The following C1orf53 variants were observed in gnomAD, a reference collection of about 807,000 sequenced individuals.
The protein encoded by C1orf53 is uncharacterized protein C1orf53.
A neutral mutation model predicts 17.5 loss-of-function variants in C1orf53; 23 were observed. The observed-to-expected ratio is 1.31, with a 90% CI of 0.94 to 1.86. C1orf53 has a LOEUF of 1.86. Among genes scored for constraint, C1orf53 ranks in the 40% most tolerant of loss-of-function variants. The pLI, the probability that C1orf53 is intolerant of heterozygous loss-of-function variation, is 0.00. For synonymous variants in C1orf53, 108 were observed against 81.9 expected (o/e 1.32, Z -1.72); for missense variants, 255 against 193.2 (o/e 1.32, Z -1.89).
At chr1:197,905,694 A>C in intron 1 of C1orf53, 102 bp from the exon 2 acceptor site, 6 of 778,688 alleles carry the variant, frequency 7.7e-6, no homozygotes, top group East Asian at 2.6e-5. Flanking sequence ...GAAGTTTAAT[A>C]TTGTTTAAAA....
Position 197,907,246 on chromosome 1 carries a change from CTG to C in C1orf53, c.*29_*30del, listed in dbSNP as rs757176291. 1.5e-6 allele frequency: 2 copies of C among 1,347,018 alleles called. No individual in the cohort carries two copies. Among genetic ancestry groups the C allele is most frequent in the South Asian group, 2.6e-5 (2 of 78,028 alleles). 83.4% of individuals were successfully genotyped at this position (1,347,018 alleles called of 1,614,324 possible). A position where few individuals can be genotyped will look rare whatever the true frequency, so the allele number is the denominator to read the frequency against. On this transcript the variant is annotated 3_prime_UTR_variant, in exon 3 of 3. Coordinates refer to ENST00000367393, the MANE Select transcript of C1orf53 (RefSeq NM_001024594.3). ...CAAGAATTTCATCTCTGTTCCCTAACTGTGCTTGTATTTTTTAAAAAATAAAG... is the reference window on the plus strand; with the variant it reads ...CAAGAATTTCATCTCTGTTCCCTAACTGCTTGTATTTTTTAAAAAATAAAG...
At chr1:197,904,453 C>T (rs537560975) in intron 1 of C1orf53, among the ~76,000 whole-genome samples, 16 of 152,332 alleles carry the variant, frequency 1.1e-4, no homozygotes, top group Middle Eastern at 3.4e-3. Context: ...TCAGAAGACT[C>T]CCAGAAGCTA....
At position 197,902,737 on chromosome 1, in the gene C1orf53, A is replaced by T; in HGVS notation, c.88A>T (p.Arg30Ter). 6.4e-7 allele frequency: 1 copy of T among 1,562,588 alleles called. No individual in the cohort carries two copies. The highest frequency in any genetic ancestry group is 8.6e-7 in the Non-Finnish European group (1 of 1,162,600). The part of the protein sequence containing the change: ...AAPPPAPLWV[R>*]AGFRQQLSLT... Reference sequence around the variant, plus strand: ...CCCGCCGCCAGCACCTCTCTGGGTAAGAGCTGGGTTCCGACAGCAGCTCAG... The same window carrying T: ...CCCGCCGCCAGCACCTCTCTGGGTATGAGCTGGGTTCCGACAGCAGCTCAG... Residue 30 changes from arginine to a stop codon, truncating the protein, a stop_gained, in exon 1 of 3, where the codon AGA becomes TGA. Coordinates refer to ENST00000367393, the MANE Select transcript of C1orf53 (RefSeq NM_001024594.3). LOFTEE classifies it high-confidence loss of function.
intron 1 of C1orf53, among the ~76,000 whole-genome samples, chr1:197,904,419 T>C (rs1659489010): frequency 6.6e-6 from 1 of 152,208 alleles, no homozygotes; most frequent in Non-Finnish European, 1.5e-5. Flanking sequence ...TCTGTTAGGC[T>C]TCCAGGTTGC....
intron 1 of C1orf53, among the ~76,000 whole-genome samples, chr1:197,903,204 A>ATGTG (rs954851976): frequency 6.6e-6 from 1 of 151,882 alleles, no homozygotes; most frequent in Admixed American, 6.6e-5. Flanking sequence ...TTTGTGGTGT[A>ATGTG]TGTGTGTGTG....
At chr1:197,904,986 T>C (rs1194399738) in intron 1 of C1orf53, among the ~76,000 whole-genome samples, 1 of 152,152 alleles carries the variant, frequency 6.6e-6, no homozygotes, top group Admixed American at 6.5e-5. Context: ...TGGGAGTTCC[T>C]CTACAAAAAC....
intron 1 of C1orf53, 121 bp downstream of exon 1, chr1:197,903,034 G>A: frequency 6.3e-6 from 6 of 946,342 alleles, no homozygotes; most frequent in South Asian, 3.1e-5. Context: ...GCTGGATACC[G>A]GTGCGGTCCT....
chr1:197,906,801 A>G (rs765996050), intron 2 of C1orf53, among the ~76,000 whole-genome samples: 3 of 152,262 alleles, frequency 2.0e-5, no homozygotes, highest in Non-Finnish European at 4.4e-5. Context: ...TGTAGCCAGG[A>G]TTAAAAATTA....
intron 2 of C1orf53, among the ~76,000 whole-genome samples, chr1:197,906,386 C>A (rs764984638): frequency 6.6e-6 from 1 of 151,430 alleles, no homozygotes; most frequent in Non-Finnish European, 1.5e-5. Context: ...CCATCTCTCT[C>A]TCTCTCATTC....
intron 1 of C1orf53, 129 bp from the exon 2 acceptor site, chr1:197,905,667 A>G: frequency 1.5e-6 from 1 of 650,046 alleles, no homozygotes; most frequent in Non-Finnish European, 2.7e-6. Flanking sequence ...TGCAAGTGCC[A>G]CTAAAACTGC....
At chr1:197,903,876 T>C (rs1167277926) in intron 1 of C1orf53, among the ~76,000 whole-genome samples, 1 of 152,240 alleles carries the variant, frequency 6.6e-6, no homozygotes, top group Non-Finnish European at 1.5e-5. Flanking sequence ...TGTTCTTGTT[T>C]ATGCTCTCCT....
At chr1:197,904,038 C>T (rs1341473557) in intron 1 of C1orf53, among the ~76,000 whole-genome samples, 1 of 152,200 alleles carries the variant, frequency 6.6e-6, no homozygotes, top group Non-Finnish European at 1.5e-5. Flanking sequence ...TTTTCTCACT[C>T]GGGAAATTCA....
chr1:197,903,686 C>G (rs1015959876), intron 1 of C1orf53, among the ~76,000 whole-genome samples: 2 of 152,234 alleles, frequency 1.3e-5, no homozygotes, highest in South Asian at 4.2e-4. Context: ...CTTGATGGGA[C>G]TAATATTATA....
chr1:197,902,826 G>A lies in C1orf53; in HGVS notation c.177G>A (p.Arg59=). 5 of 1,568,070 alleles carry A rather than the reference G, an allele frequency of 3.2e-6. No individual in the cohort carries two copies. Among genetic ancestry groups the A allele is most frequent in the East Asian group, 2.5e-5 (1 of 40,740 alleles). The change falls in exon 1 of 3, where the codon AGG becomes AGA. Residue 59 remains arginine, a synonymous_variant. Transcript: ENST00000367393. ...CGGSAPSTPG[R]PERAARPSVS... ...GCTCCGCGCCCAGCACGCCCGGTAG[G>A]CCGGAGAGAGCGGCGAGGCCTTCGG...
intron 2 of C1orf53, 128 bp downstream of exon 2, chr1:197,906,025 T>C (rs1038477940): frequency 1.4e-6 from 1 of 702,910 alleles, no homozygotes. Context: ...CACAAGCTAC[T>C]TTAGCCAACG....
chr1:197,902,995 C>G, intron 1 of C1orf53, 82 bp downstream of exon 1: 4 of 1,240,136 alleles, frequency 3.2e-6, no homozygotes, highest in Non-Finnish European at 4.1e-6. Context: ...CTCTCCGGAC[C>G]CGGAGGCCGC....
Position 197,907,289 on chromosome 1 carries a change from G to A in C1orf53, c.*69G>A. 1.2e-6 allele frequency: 1 copy of A among 823,616 alleles called. No individual in the cohort carries two copies. 51.0% of individuals were successfully genotyped at this position (823,616 alleles called of 1,614,324 possible). On this transcript the variant is annotated 3_prime_UTR_variant, in exon 3 of 3. Coordinates refer to ENST00000367393, the MANE Select transcript of C1orf53 (RefSeq NM_001024594.3). Reference sequence around the variant, plus strand: ...AAAAATAAAGCCCCAATTCAGAATTGCTGGATTATTAGTACTTGAACACTA... The same window carrying A: ...AAAAATAAAGCCCCAATTCAGAATTACTGGATTATTAGTACTTGAACACTA...
Position 197,902,825 on chromosome 1 carries a change from G to C in C1orf53, c.176G>C (p.Arg59Thr). The change falls in exon 1 of 3, where the codon AGG becomes ACG. Residue 59 changes from arginine to threonine, a missense_variant. Arg to Thr is a moderately conservative substitution (Grantham distance 71). Transcript: ENST00000367393. ...GGCTCCGCGCCCAGCACGCCCGGTA[G>C]GCCGGAGAGAGCGGCGAGGCCTTCG... ...CGGSAPSTPGRPERAARPSVS... is the reference protein window; with the variant it reads ...CGGSAPSTPGTPERAARPSVS... The C allele has an allele frequency of 6.4e-7, 1 of 1,569,486 alleles. No individual in the cohort carries two copies. Among genetic ancestry groups the C allele is most frequent in the East Asian group, 2.5e-5 (1 of 40,814 alleles).
intron 1 of C1orf53, 24 bp downstream of exon 1, chr1:197,902,937 CG>C (rs1659453368): frequency 1.5e-6 from 2 of 1,345,134 alleles, no homozygotes; most frequent in Non-Finnish European, 9.5e-7. Context: ...CTGCCCGCCC[CG>C]CCCCGCCGCG....
Sources: allele counts gnomAD v4.1 joint callset (sites outside exome capture counted in the v4.1 genomes callset), GRCh38; gene constraint gnomAD v4.1.1; transcripts MANE v1.5; gene names NCBI Gene and HGNC (gene_info 2026-07-23, HGNC 2026-07-21).